Variants in VPS13B observed in about 807,000 individuals in gnomAD.
VPS13B encodes the protein intermembrane lipid transfer protein VPS13B.
A neutral mutation model predicts 426.4 loss-of-function variants in VPS13B; 285 were observed. The observed-to-expected ratio is 0.67, with a 90% CI of 0.61 to 0.74. VPS13B has a LOEUF of 0.74. Among genes scored for constraint, VPS13B ranks in the 30% least tolerant of loss-of-function variants. The probability of loss-of-function intolerance (pLI) is 0.00; values close to 1 mark genes in which losing one functional copy is unlikely to be tolerated. For synonymous variants in VPS13B, 1,676 were observed against 1,676.4 expected (o/e 1.00, Z 0.01); for missense variants, 4,537 against 4,782.6 (o/e 0.95, Z 1.51).
At chr8:99,111,715 T>C (rs1847380377) in intron 6 of VPS13B, among the ~76,000 whole-genome samples, 1 of 152,154 alleles carries the variant, frequency 6.6e-6, no homozygotes. Context: ...AACCTAATAG[T>C]TTATTGGTTC....
In VPS13B at chr8:99,233,206, T is replaced by C. The variant is rs960107846; in HGVS notation, c.2515+40149T>C. The C allele has an allele frequency of 5.1e-6, 7 of 1,380,076 alleles. No individual in the cohort carries two copies. In the African/African-American group the frequency reaches 1.0e-4, roughly 20 times the overall value. The allele number at this position is 1,380,076 out of a possible 1,614,324, so 85.5% of individuals were successfully genotyped here. Reference sequence around the variant, plus strand: ...TTCCTCATTTTCATCGGGCGTTTGGTCACGAGGCACAATGATTTCTGCACT... The same window carrying C: ...TTCCTCATTTTCATCGGGCGTTTGGCCACGAGGCACAATGATTTCTGCACT... On this transcript the variant is annotated intron_variant, in intron 17 of 61. Transcript: ENST00000357162.
intron 16 of VPS13B, among the ~76,000 whole-genome samples, chr8:99,188,685 C>T (rs185928905): frequency 9.9e-5 from 15 of 152,204 alleles, no homozygotes; most frequent in Non-Finnish European, 1.6e-4. Flanking sequence ...TACCTCTGTG[C>T]GTGATGTTCC....
In VPS13B at chr8:99,818,487, T is replaced by C. The variant is rs747276316; in HGVS notation, c.8398T>C (p.Cys2800Arg). The change falls in exon 46 of 62, where the codon TGC becomes CGC. Residue 2800 changes from cysteine (C) to arginine (R), a missense_variant. By Grantham distance (180) the Cys-to-Arg change is radical (BLOSUM62 -3). Coordinates refer to ENST00000357162, the MANE Select transcript of VPS13B (RefSeq NM_152564.5). ...AAACAGTTCCATTATTTATGTCTGG[T>C]GCACAGTTTTGACTTTAGAACCCAA... ...SSNSSIIYVW[C>R]TVLTLEPNSQ... 2 of 1,614,108 alleles carry C rather than the reference T, an allele frequency of 1.2e-6. No homozygotes were observed.
intron 51 of VPS13B, among the ~76,000 whole-genome samples, chr8:99,830,671 T>C (rs1383150671): frequency 6.6e-6 from 1 of 152,108 alleles, no homozygotes; most frequent in Non-Finnish European, 1.5e-5. Context: ...TGCAGCTAGC[T>C]CGGTATCTGC....
chr8:99,871,471 GA>G lies in VPS13B; in HGVS notation c.11520del (p.Arg3840SerfsTer13), dbSNP rs747217399. 5 of 1,614,218 alleles carry G rather than the reference GA, an allele frequency of 3.1e-6. No homozygotes were observed. Among genetic ancestry groups the G allele is most frequent in the Non-Finnish European group, 4.2e-6 (5 of 1,180,042 alleles). On this transcript the variant is annotated frameshift_variant, in exon 61 of 62. Transcript: ENST00000357162. LOFTEE classifies it high-confidence loss of function. ...AGGAAAATGCTTCAGTCTCTGGGCA[GA>G]CCAGAAGTCCACATGGCCCTGGACG... ...YVWKMLQSLG[R>X]PEVHMALDVV...
intron 42 of VPS13B, among the ~76,000 whole-genome samples, chr8:99,780,163 G>A (rs915421608): frequency 6.6e-6 from 1 of 152,198 alleles, no homozygotes; most frequent in Non-Finnish European, 1.5e-5. Context: ...CGTAAAATAA[G>A]AGCTAGTGTG....
chr8:99,121,572 T>C, intron 8 of VPS13B, 127 bp downstream of exon 8: 1 of 1,482,840 alleles, frequency 6.7e-7, no homozygotes, highest in South Asian at 1.5e-5. Flanking sequence ...GTCTAACAGT[T>C]CTTACTTCAT....
At chr8:99,850,836 G>A (rs1280484591) in intron 55 of VPS13B, among the ~76,000 whole-genome samples, 1 of 152,174 alleles carries the variant, frequency 6.6e-6, no homozygotes, top group Non-Finnish European at 1.5e-5. Context: ...TGAGGCAAGA[G>A]AATCGCTTGA....
At chr8:99,658,593 A>G (rs1830104706) in intron 34 of VPS13B, among the ~76,000 whole-genome samples, 1 of 152,162 alleles carries the variant, frequency 6.6e-6, no homozygotes, top group Non-Finnish European at 1.5e-5. Flanking sequence ...TATTTTTGCT[A>G]TGATAATTCT....
intron 3 of VPS13B, among the ~76,000 whole-genome samples, chr8:99,067,464 C>G (rs949103962): frequency 6.6e-6 from 1 of 151,838 alleles, no homozygotes; most frequent in Non-Finnish European, 1.5e-5. Flanking sequence ...GGACACAGGG[C>G]GGGGAACATC....
chr8:99,527,155 G>T (rs1447331920), intron 30 of VPS13B, among the ~76,000 whole-genome samples: 2 of 151,832 alleles, frequency 1.3e-5, no homozygotes, highest in African/African-American at 4.8e-5. Context: ...CTGTATCCGA[G>T]TTTGCTCTCG....
At chr8:99,587,787 T>C (rs1434496251) in intron 33 of VPS13B, among the ~76,000 whole-genome samples, 4 of 151,802 alleles carry the variant, frequency 2.6e-5, no homozygotes, top group Admixed American at 1.3e-4. Context: ...TTCACTCTGA[T>C]GGTAGTTTCT....
At chr8:99,590,466 G>A (rs1026055315) in intron 33 of VPS13B, among the ~76,000 whole-genome samples, 1 of 151,880 alleles carries the variant, frequency 6.6e-6, no homozygotes, top group African/African-American at 2.4e-5. Flanking sequence ...TTCTCTTGTG[G>A]GCATTTAGTG....
intron 55 of VPS13B, among the ~76,000 whole-genome samples, chr8:99,851,717 G>T (rs930444461): frequency 6.6e-6 from 1 of 152,058 alleles, no homozygotes; most frequent in Non-Finnish European, 1.5e-5. Context: ...AGTGGAGGGG[G>T]TGGAAGTGGA....
intron 25 of VPS13B, among the ~76,000 whole-genome samples, chr8:99,496,734 C>T (rs1035648345): frequency 6.6e-6 from 1 of 152,024 alleles, no homozygotes; most frequent in African/African-American, 2.4e-5. Flanking sequence ...TACACAAGTA[C>T]ACACACATCC....
intron 34 of VPS13B, among the ~76,000 whole-genome samples, chr8:99,643,783 C>G (rs1387457759): frequency 6.6e-6 from 1 of 152,158 alleles, no homozygotes; most frequent in Non-Finnish European, 1.5e-5. Flanking sequence ...TTTGTTAAAC[C>G]CTTACCAGCA....
chr8:99,756,722 C>CCTG (rs1293619584), intron 39 of VPS13B, among the ~76,000 whole-genome samples: 2 of 152,098 alleles, frequency 1.3e-5, no homozygotes, highest in African/African-American at 4.8e-5. Context: ...TGAGAAAAAG[C>CCTG]CTGCCAAATG....
chr8:99,460,108 A>G (rs772733451), intron 23 of VPS13B, among the ~76,000 whole-genome samples: 2 of 152,064 alleles, frequency 1.3e-5, no homozygotes, highest in Non-Finnish European at 2.9e-5. Flanking sequence ...TGTAATAATA[A>G]TATATTTGAA....
At chr8:99,109,887 A>G (rs896564475) in intron 5 of VPS13B, among the ~76,000 whole-genome samples, 2 of 152,190 alleles carry the variant, frequency 1.3e-5, no homozygotes, top group African/African-American at 4.8e-5. Context: ...TATCTGAGTA[A>G]TAGCAAATAC....
Sources: allele counts gnomAD v4.1 joint callset (sites outside exome capture counted in the v4.1 genomes callset), GRCh38; gene constraint gnomAD v4.1.1; transcripts MANE v1.5; gene names NCBI Gene and HGNC (gene_info 2026-07-23, HGNC 2026-07-21).